Variants in AFF3 observed in about 807,000 individuals in gnomAD.
AFF3 encodes ALF transcription elongation factor 3.
In AFF3, 32 loss-of-function variants were observed where a neutral mutation model predicts 129.7. The ratio of observed to expected loss-of-function variants is 0.25; its 90% CI spans 0.19 to 0.33. The LOEUF (loss-of-function observed/expected upper bound fraction) is 0.33, where lower values mean the gene tolerates loss of function less well. AFF3 is among the 10% of genes least tolerant of loss of function. The probability of loss-of-function intolerance (pLI) is 1.00; values close to 1 mark genes in which losing one functional copy is unlikely to be tolerated. For missense variants in AFF3, 1,373 were observed against 1,592.0 expected (o/e 0.86, Z 2.34); for synonymous variants, 644 against 635.4 (o/e 1.01, Z -0.20).
In AFF3 at chr2:99,738,123, C is replaced by T. The variant is rs79385164; in HGVS notation, c.1039+5981G>A. 1.1e-3 allele frequency among the ~76,000 whole-genome samples: 160 copies of T among 152,156 alleles called. 1 individual carries two copies. Among genetic ancestry groups the T allele is most frequent in the African/African-American group, 3.5e-3 (145 of 41,480 alleles). On this transcript the variant is annotated intron_variant, in intron 10 of 24. Coordinates refer to ENST00000672756, the MANE Select transcript of AFF3 (RefSeq NM_001386135.1). ...TTTCTGAATTAGGAGTCTGATTCTC[C>T]GCTGTCCTGTTTGTTCTTGCTCTTG...
intron 4 of AFF3, among the ~76,000 whole-genome samples, chr2:100,022,181 G>A (rs1383785415): frequency 6.6e-6 from 1 of 152,160 alleles, no homozygotes; most frequent in Non-Finnish European, 1.5e-5. Context: ...TCCTATAGCT[G>A]TGGCATCACT....
chr2:99,807,185 T>C (rs961099956), intron 8 of AFF3, among the ~76,000 whole-genome samples: 1 of 152,192 alleles, frequency 6.6e-6, no homozygotes, highest in African/African-American at 2.4e-5. Flanking sequence ...TTTTGGCTCA[T>C]CAGATTAGCT....
chr2:99,750,947 T>C (rs1681595821), intron 9 of AFF3, among the ~76,000 whole-genome samples: 1 of 152,224 alleles, frequency 6.6e-6, no homozygotes, highest in African/African-American at 2.4e-5. Flanking sequence ...GAAGAAAATC[T>C]CTATATATTC....
At chr2:100,052,389 A>G (rs1405217523) in intron 4 of AFF3, among the ~76,000 whole-genome samples, 11 of 152,274 alleles carry the variant, frequency 7.2e-5, no homozygotes, top group African/African-American at 2.6e-4. Flanking sequence ...CATCCCTTCC[A>G]CAACATGGAT....
intron 1 of AFF3, among the ~76,000 whole-genome samples, chr2:100,134,392 T>C (rs1321071050): frequency 1.3e-5 from 2 of 152,230 alleles, no homozygotes; most frequent in East Asian, 3.8e-4. Flanking sequence ...TTTTTCTGAA[T>C]TTATTTGACA....
At chr2:99,553,554 A>G (rs756886927) in intron 24 of AFF3, among the ~76,000 whole-genome samples, 2 of 152,174 alleles carry the variant, frequency 1.3e-5, no homozygotes, top group African/African-American at 2.4e-5. Flanking sequence ...ATAACAATAT[A>G]TATCTTAAGA....
At chr2:99,784,145 C>T (rs1161512769) in intron 8 of AFF3, among the ~76,000 whole-genome samples, 1 of 152,198 alleles carries the variant, frequency 6.6e-6, no homozygotes, top group Non-Finnish European at 1.5e-5. Flanking sequence ...GGTTAAGACC[C>T]AAAGCCCCTC....
intron 4 of AFF3, among the ~76,000 whole-genome samples, chr2:100,047,316 T>C (rs1005318745): frequency 1.3e-5 from 2 of 152,230 alleles, no homozygotes; most frequent in African/African-American, 4.8e-5. Context: ...CATTATTCCA[T>C]TATTTATGTA....
chr2:100,134,556 T>C (rs560227890), intron 1 of AFF3, among the ~76,000 whole-genome samples: 9 of 152,314 alleles, frequency 5.9e-5, no homozygotes, highest in African/African-American at 1.9e-4. Context: ...GTATCAGGCT[T>C]ACAAAAAACT....
At chr2:99,665,419 G>A (rs1216003204) in intron 12 of AFF3, among the ~76,000 whole-genome samples, 1 of 152,220 alleles carries the variant, frequency 6.6e-6, no homozygotes, top group Non-Finnish European at 1.5e-5. Context: ...GTGAGGAACA[G>A]GGAATCATCA....
At chr2:100,106,004 C>G in intron 2 of AFF3, 2 of 1,322,718 alleles carry the variant, frequency 1.5e-6, no homozygotes, top group Non-Finnish European at 2.0e-6. Context: ...ATCCCTCCAG[C>G]GTCAAGCCGA....
At chr2:99,841,956 C>G (rs1358383262) in intron 7 of AFF3, among the ~76,000 whole-genome samples, 1 of 152,144 alleles carries the variant, frequency 6.6e-6, no homozygotes, top group Non-Finnish European at 1.5e-5. Context: ...TCCTTTTCCA[C>G]GTGGCACATT....
chr2:100,116,257 C>T (rs531153245), intron 2 of AFF3, among the ~76,000 whole-genome samples: 61 of 152,044 alleles, frequency 4.0e-4, no homozygotes, highest in African/African-American at 1.3e-3. Context: ...CATTTGTAAA[C>T]AACATATAGC....
At chr2:100,054,358 G>C (rs1360672771) in intron 4 of AFF3, among the ~76,000 whole-genome samples, 1 of 152,216 alleles carries the variant, frequency 6.6e-6, no homozygotes, top group Non-Finnish European at 1.5e-5. Flanking sequence ...ATTTCAATCT[G>C]AGTAAAGCAG....
intron 7 of AFF3, among the ~76,000 whole-genome samples, chr2:99,940,650 C>T (rs1674949277): frequency 6.6e-6 from 1 of 152,172 alleles, no homozygotes; most frequent in South Asian, 2.1e-4. Flanking sequence ...CCTTGTTTAG[C>T]ATATCATCAA....
At chr2:99,832,743 T>C (rs1355984858) in intron 8 of AFF3, among the ~76,000 whole-genome samples, 2 of 152,322 alleles carry the variant, frequency 1.3e-5, no homozygotes, top group East Asian at 1.9e-4. Flanking sequence ...TTATTGTAGG[T>C]TTTTCTCAGT....
chr2:99,789,553 T>C (rs1685050244), intron 8 of AFF3, among the ~76,000 whole-genome samples: 1 of 151,556 alleles, frequency 6.6e-6, no homozygotes. Context: ...AATGACAGTA[T>C]GGCTGCCCTC....
intron 8 of AFF3, among the ~76,000 whole-genome samples, chr2:99,824,666 G>A (rs1687940510): frequency 6.6e-6 from 1 of 152,174 alleles, no homozygotes; most frequent in East Asian, 1.9e-4. Context: ...ATCAGCTAGT[G>A]CTAGCATATG....
At chr2:99,731,524 C>T (rs947384358) in intron 10 of AFF3, among the ~76,000 whole-genome samples, 1 of 152,144 alleles carries the variant, frequency 6.6e-6, no homozygotes, top group African/African-American at 2.4e-5. Context: ...TCCCACCTCC[C>T]CGCTCACAGC....
Sources: gnomAD v4.1 joint callset for allele counts (sites outside exome capture counted in the v4.1 genomes callset) on GRCh38, gnomAD v4.1.1 for gene constraint, MANE v1.5 for transcripts, NCBI Gene and HGNC (gene_info 2026-07-23, HGNC 2026-07-21) for gene names.